ADIPOR2: variants seen among roughly 807,000 people sequenced by gnomAD.
ADIPOR2 encodes the protein adiponectin receptor protein 2.
ADIPOR2 carries 18 observed loss-of-function variants against 40.9 expected under a neutral mutation model. The observed-to-expected ratio is 0.44, with a 90% CI of 0.30 to 0.65. ADIPOR2 has a LOEUF of 0.65. Ranked by LOEUF, ADIPOR2 falls within the 30% of genes least tolerant of loss-of-function variation. The pLI is 0.09. For missense variants in ADIPOR2, 283 were observed against 479.2 expected (o/e 0.59, Z 3.82); for synonymous variants, 165 against 166.4 (o/e 0.99, Z 0.06).
chr12:1,721,069 A>G lies in ADIPOR2; in HGVS notation c.-87+29878A>G, dbSNP rs565271553. 1.7e-4 allele frequency among the ~76,000 whole-genome samples: 26 copies of G among 152,240 alleles called. No individual in the cohort carries two copies. The South Asian group carries it at 1.9e-3, about 11-fold the overall frequency. On this transcript the variant is annotated intron_variant, in intron 1 of 7. Transcript: ENST00000357103. ...CAGACCAAACCAATGTACTTCTTAC[A>G]TATATTGATCGGTGTCTCAAGTCTC...
rs768176210 is a variant in ADIPOR2 at position 1,785,986 on chromosome 12, G to A, written c.1075G>A (p.Ala359Thr). 5 of 1,614,132 alleles carry A rather than the reference G, an allele frequency of 3.1e-6. No individual in the cohort carries two copies. The East Asian group carries it at 8.9e-5, about 29-fold the overall frequency. Residue 359 changes from alanine (A) to threonine (T), a missense_variant, in exon 8 of 8, where the codon GCT becomes ACT. Physicochemically the swap from Ala to Thr is moderately conservative, Grantham distance 58. Around this residue, in one of 3 missense-constraint regions of ADIPOR2, gnomAD observed 106 missense variants for 149.7 expected, o/e 0.71. Transcript: ENST00000357103. ...QLFHIFVVAGAFVHFHGVSNL... is the reference protein window; with the variant it reads ...QLFHIFVVAGTFVHFHGVSNL... ...GTTTCATATCTTTGTGGTTGCTGGA[G>A]CTTTTGTTCACTTCCATGGTGTCTC...
At chr12:1,717,919 A>G (rs2094690863) in intron 1 of ADIPOR2, among the ~76,000 whole-genome samples, 1 of 152,110 alleles carries the variant, frequency 6.6e-6, no homozygotes. Flanking sequence ...GTATTTTTTA[A>G]ATGATGTACT....
intron 6 of ADIPOR2, among the ~76,000 whole-genome samples, chr12:1,783,399 C>CT (rs35800138): frequency 0.21 from 27,932 of 132,496 alleles, 3,315 homozygotes; most frequent in Middle Eastern, 0.31. Context: ...AGGCTCATTG[C>CT]TTTTTTTTTT....
At chr12:1,712,836 C>G (rs2094680313) in intron 1 of ADIPOR2, among the ~76,000 whole-genome samples, 1 of 152,138 alleles carries the variant, frequency 6.6e-6, no homozygotes, top group Non-Finnish European at 1.5e-5. Flanking sequence ...GTATTCGTTT[C>G]TTGCTGAGGG....
At chr12:1,694,522 T>C (rs1447366705) in intron 1 of ADIPOR2, among the ~76,000 whole-genome samples, 1 of 152,220 alleles carries the variant, frequency 6.6e-6, no homozygotes, top group Non-Finnish European at 1.5e-5. Flanking sequence ...TATACTGTAT[T>C]GTTTGGGGAA....
chr12:1,740,452 C>T (rs1373985615), intron 1 of ADIPOR2, among the ~76,000 whole-genome samples: 1 of 152,182 alleles, frequency 6.6e-6, no homozygotes, highest in African/African-American at 2.4e-5. Context: ...TGTATTCCTC[C>T]CTGGTGTCTC....
intron 1 of ADIPOR2, among the ~76,000 whole-genome samples, chr12:1,735,740 A>C (rs563852444): frequency 6.6e-6 from 1 of 152,272 alleles, no homozygotes; most frequent in African/African-American, 2.4e-5. Flanking sequence ...GTTTGTCATA[A>C]ATAGCTCTTA....
rs990095432 is a variant in ADIPOR2 at position 1,788,060 on chromosome 12, G to A, written c.*1988G>A. 7 of 152,698 alleles carry A rather than the reference G, an allele frequency of 4.6e-5. No homozygotes were observed. Among genetic ancestry groups the A allele is most frequent in the African/African-American group, 1.7e-4 (7 of 41,454 alleles). The allele number at this position is 152,698 out of a possible 1,614,324, so 9.5% of individuals were successfully genotyped here. On this transcript the variant is annotated 3_prime_UTR_variant, in exon 8 of 8. Coordinates refer to ENST00000357103, the MANE Select transcript of ADIPOR2 (RefSeq NM_024551.3). ...TTGGGAGCAACAGCACGTATCAGAA[G>A]CCAGACTTGCTCTTCGGTCATGCAC...
chr12:1,728,963 T>TC (rs1338741521), intron 1 of ADIPOR2, among the ~76,000 whole-genome samples: 3 of 150,218 alleles, frequency 2.0e-5, no homozygotes, highest in Non-Finnish European at 3.0e-5. Context: ...GGACTGTTTT[T>TC]TTTTTTTTTT....
At chr12:1,694,167 A>G (rs1159623371) in intron 1 of ADIPOR2, among the ~76,000 whole-genome samples, 1 of 152,238 alleles carries the variant, frequency 6.6e-6, no homozygotes, top group Non-Finnish European at 1.5e-5. Context: ...AAAATTAAGT[A>G]ACTGTTGGAA....
At chr12:1,730,587 A>G (rs1241043098) in intron 1 of ADIPOR2, 1 of 146,352 alleles carries the variant, frequency 6.8e-6, no homozygotes, top group Non-Finnish European at 1.5e-5. Flanking sequence ...ACTGCACTCC[A>G]GCCTGGGTGA....
In ADIPOR2 at chr12:1,714,030, T is replaced by C. The variant is rs536127066; in HGVS notation, c.-87+22839T>C. On this transcript the variant is annotated intron_variant, in intron 1 of 7. Coordinates refer to ENST00000357103, the MANE Select transcript of ADIPOR2 (RefSeq NM_024551.3). ...CCCTCAGTCCTGTTGGATCATCTGGTTGGGGGCTTCTGGCCCAGAGAACCT... is the reference window on the plus strand; with the variant it reads ...CCCTCAGTCCTGTTGGATCATCTGGCTGGGGGCTTCTGGCCCAGAGAACCT... Among the ~76,000 whole-genome samples the C allele has an allele frequency of 7.9e-5, 12 of 152,244 alleles. No homozygotes were observed. In the South Asian group the frequency reaches 2.3e-3, roughly 29 times the overall value.
intron 1 of ADIPOR2, among the ~76,000 whole-genome samples, chr12:1,727,378 T>A (rs1195792340): frequency 6.6e-6 from 1 of 152,226 alleles, no homozygotes; most frequent in Non-Finnish European, 1.5e-5. Flanking sequence ...ACATACTTTT[T>A]AAAGAGAAAT....
chr12:1,750,803 A>T (rs1352600665), intron 1 of ADIPOR2, among the ~76,000 whole-genome samples: 1 of 152,124 alleles, frequency 6.6e-6, no homozygotes, highest in Non-Finnish European at 1.5e-5. Flanking sequence ...CATCACATTG[A>T]TGATTTTTCT....
intron 6 of ADIPOR2, 127 bp from the exon 7 acceptor site, chr12:1,783,753 G>A: frequency 1.3e-6 from 1 of 768,188 alleles, no homozygotes; most frequent in Non-Finnish European, 1.9e-6. Context: ...CTTTAAAACT[G>A]GAAGCTAATT....
intron 3 of ADIPOR2, among the ~76,000 whole-genome samples, chr12:1,777,523 A>T (rs1862623114): frequency 6.6e-6 from 1 of 151,138 alleles, no homozygotes; most frequent in African/African-American, 2.4e-5. Flanking sequence ...AGTAGGTGGG[A>T]TTACAGGCAT....
At chr12:1,771,897 G>A (rs1470879268) in intron 2 of ADIPOR2, among the ~76,000 whole-genome samples, 1 of 152,198 alleles carries the variant, frequency 6.6e-6, no homozygotes, top group Non-Finnish European at 1.5e-5. Context: ...TTGAGTTAAA[G>A]AATTATAGAA....
intron 2 of ADIPOR2, 52 bp downstream of exon 2, chr12:1,754,566 G>A (rs753265561): frequency 2.6e-6 from 4 of 1,532,708 alleles, no homozygotes; most frequent in Non-Finnish European, 3.5e-6. Context: ...GGAGGAAGTG[G>A]CAGAGGGAGG....
chr12:1,743,242 A>AAC lies in ADIPOR2; in HGVS notation c.-86-11015_-86-11014insCA, dbSNP rs1555169154. Among the ~76,000 whole-genome samples, 56 of 134,644 alleles carry AAC rather than the reference A, an allele frequency of 4.2e-4. 4 individuals carry two copies. The highest frequency in any genetic ancestry group is 1.9e-3 in the South Asian group (8 of 4,194). The allele number at this position is 134,644 out of a possible 152,430, so 88.3% of individuals were successfully genotyped here. ...CCCCATCTCTACCAAAAAAAAAAAA[A>AAC]AAAACAAAGCAGTGAGCCAAGATTG... On this transcript the variant is annotated intron_variant, in intron 1 of 7. Coordinates refer to ENST00000357103, the MANE Select transcript of ADIPOR2 (RefSeq NM_024551.3).
Sources: allele counts gnomAD v4.1 joint callset (sites outside exome capture counted in the v4.1 genomes callset), GRCh38; gene constraint gnomAD v4.1.1; regional missense constraint gnomAD v4.1.1; transcripts MANE v1.5; gene names NCBI Gene and HGNC (gene_info 2026-07-23, HGNC 2026-07-21).